ERAP1: variants seen among roughly 807,000 people sequenced by gnomAD.
ERAP1 encodes adipocyte-derived leucine aminopeptidase.
ERAP1 carries 86 observed loss-of-function variants against 103.7 expected under a neutral mutation model. The observed-to-expected ratio is 0.83, with a 90% CI of 0.70 to 0.99. The LOEUF is 0.99. Among genes scored for constraint, ERAP1 ranks in the 50% least tolerant of loss-of-function variants. The pLI is 0.00. For missense variants in ERAP1, 1,009 were observed against 1,128.4 expected (o/e 0.89, Z 1.52); for synonymous variants, 398 against 402.4 (o/e 0.99, Z 0.13).
At chr5:96,873,599 G>A in the ERAP1 span, 3 of 392,646 alleles carry the variant, frequency 7.6e-6, no homozygotes, top group Non-Finnish European at 1.5e-5. Flanking sequence ...CAGAAAAGCT[G>A]AGGAAACACT....
the ERAP1 span, among the ~76,000 whole-genome samples, chr5:96,820,400 T>C: frequency 2.0e-5 from 3 of 152,170 alleles, no homozygotes; most frequent in Non-Finnish European, 4.4e-5. Context: ...TTGAGGGTGA[T>C]TATTTTGTAT....
At chr5:96,783,001 A>G (rs747100403) in intron 15 of ERAP1, 50 bp downstream of exon 15, 5 of 1,584,392 alleles carry the variant, frequency 3.2e-6, no homozygotes, top group Non-Finnish European at 4.3e-6. Context: ...GATGGAAAAC[A>G]GAAAAGATGC....
At chr5:96,913,044 A>G in the ERAP1 span, among the ~76,000 whole-genome samples, 4 of 152,248 alleles carry the variant, frequency 2.6e-5, no homozygotes, top group African/African-American at 9.6e-5. Flanking sequence ...AAACTTGAAG[A>G]AAAATTATTG....
At chr5:96,874,160 AAGAAAGAAAGAAAGAAAGAAAG>A in the ERAP1 span, among the ~76,000 whole-genome samples, 22 of 110,102 alleles carry the variant, frequency 2.0e-4, no homozygotes, top group African/African-American at 8.6e-4. Flanking sequence ...GAAAGAAAGA[AAGAAAGAAAGAAAGAAAGAAAG>A]AGAGAGAGAA....
chr5:96,864,330 T>A, the ERAP1 span, among the ~76,000 whole-genome samples: 2 of 152,228 alleles, frequency 1.3e-5, no homozygotes, highest in Non-Finnish European at 2.9e-5. Context: ...CAAAGCCATG[T>A]GTCTTTGTGT....
chr5:96,781,014 T>G (rs764274912), intron 17 of ERAP1, 44 bp downstream of exon 17: 9 of 1,611,946 alleles, frequency 5.6e-6, no homozygotes, highest in Non-Finnish European at 6.8e-6. Context: ...CACAGTAAGG[T>G]TATGAACTTA....
At position 96,788,599 on chromosome 5, in the gene ERAP1, C is replaced by CA; in HGVS notation, c.1610dup (p.Arg538GlufsTer17). 1 of 1,614,202 alleles carries CA rather than the reference C, an allele frequency of 6.2e-7. No homozygotes were observed. The highest frequency in any genetic ancestry group is 8.5e-7 in the Non-Finnish European group (1 of 1,180,032). ...GCTTCATGTGTACATTCCTCCCCCT[C>CA]ACTGTGATGGTTATTAGGGGAAAAC... On this transcript the variant is annotated frameshift_variant, in exon 11 of 19. Coordinates refer to ENST00000443439, the MANE Select transcript of ERAP1 (RefSeq NM_001040458.3). LOFTEE classifies it high-confidence loss of function.
At chr5:96,861,444 CTGGTA>C in the ERAP1 span, among the ~76,000 whole-genome samples, 2 of 152,186 alleles carry the variant, frequency 1.3e-5, no homozygotes, top group African/African-American at 4.8e-5. Flanking sequence ...TGGCTTTTGA[CTGGTA>C]TGTGCTTATT....
the ERAP1 span, chr5:96,895,342 T>C: frequency 6.2e-7 from 1 of 1,608,560 alleles, no homozygotes; most frequent in Non-Finnish European, 8.5e-7. Flanking sequence ...TAATGCTACA[T>C]ATCCAGAGCT....
chr5:96,853,516 A>C, the ERAP1 span, among the ~76,000 whole-genome samples: 1 of 152,146 alleles, frequency 6.6e-6, no homozygotes, highest in Non-Finnish European at 1.5e-5. Flanking sequence ...CAGATGAACA[A>C]ATGTCTAGAA....
chr5:96,908,948 T>C, the ERAP1 span: 48 of 1,609,372 alleles, frequency 3.0e-5, 2 homozygotes, highest in Admixed American at 7.3e-4. Context: ...CTGACATTTG[T>C]TTTATACTTC....
At chr5:96,887,124 CACAT>C in the ERAP1 span, among the ~76,000 whole-genome samples, 115 of 146,614 alleles carry the variant, frequency 7.8e-4, no homozygotes, top group African/African-American at 2.8e-3. Context: ...CACACACACA[CACAT>C]ACATATATAC....
chr5:96,877,913 T>C, the ERAP1 span, among the ~76,000 whole-genome samples: 6 of 152,232 alleles, frequency 3.9e-5, no homozygotes. Context: ...GCATTAATAT[T>C]GCAAATTGAA....
the ERAP1 span, among the ~76,000 whole-genome samples, chr5:96,857,811 A>G: frequency 1.3e-5 from 2 of 152,196 alleles, no homozygotes; most frequent in East Asian, 1.9e-4. Context: ...AGATTGGGTG[A>G]GAAAACCTGT....
At chr5:96,903,665 A>T in the ERAP1 span, 2 of 1,073,842 alleles carry the variant, frequency 1.9e-6, no homozygotes, top group African/African-American at 3.2e-5. Context: ...TTTAATATGG[A>T]TTTGAATGGA....
the ERAP1 span, among the ~76,000 whole-genome samples, chr5:96,875,010 C>T: frequency 6.6e-6 from 1 of 152,250 alleles, no homozygotes; most frequent in African/African-American, 2.4e-5. Flanking sequence ...CACACTAGGA[C>T]TTGCCCCTCT....
the ERAP1 span, chr5:96,884,075 T>TATC: frequency 3.3e-6 from 2 of 601,350 alleles, no homozygotes; most frequent in African/African-American, 4.1e-5. Context: ...TCTATCTATC[T>TATC]ATCTATCATC....
chr5:96,909,210 T>A, the ERAP1 span: 1 of 1,272,906 alleles, frequency 7.9e-7, no homozygotes, highest in Non-Finnish European at 1.1e-6. Flanking sequence ...TCCTTGAGGT[T>A]AAATCTGGAG....
At chr5:96,909,946 C>A in the ERAP1 span, 1 of 571,536 alleles carries the variant, frequency 1.7e-6, no homozygotes, top group Non-Finnish European at 3.1e-6. Flanking sequence ...AGTACAATCT[C>A]TACCATGAAA....
Sources: allele counts gnomAD v4.1 joint callset (sites outside exome capture counted in the v4.1 genomes callset), GRCh38; gene constraint gnomAD v4.1.1; transcripts MANE v1.5; gene names NCBI Gene and HGNC (gene_info 2026-07-23, HGNC 2026-07-21).